Variants in PCDHGA3 observed in about 807,000 individuals in gnomAD.
PCDHGA3 encodes the protein protocadherin gamma-A3.
In PCDHGA3, 40 loss-of-function variants were observed where a neutral mutation model predicts 58.5. The observed-to-expected ratio is 0.68, with a 90% CI of 0.53 to 0.89. The LOEUF is 0.89. Ranked by LOEUF, PCDHGA3 falls within the 40% of genes least tolerant of loss-of-function variation. PCDHGA3 has a pLI of 0.00. For missense variants in PCDHGA3, 1,223 were observed against 1,195.9 expected (o/e 1.02, Z -0.33); for synonymous variants, 530 against 525.7 (o/e 1.01, Z -0.11).
At chr5:141,413,990 A>G (rs1179968710) in intron 1 of PCDHGA3, 6 of 1,613,434 alleles carry the variant, frequency 3.7e-6, no homozygotes, top group Admixed American at 1.7e-5. Context: ...ACAGCCACCG[A>G]CAGGGACGAA....
At position 141,413,788 on chromosome 5, in the gene PCDHGA3, G is replaced by A. The variant is rs2095678300; in HGVS notation, c.2424+67331G>A. The A allele has an allele frequency of 2.1e-5, 34 of 1,613,166 alleles. No individual in the cohort carries two copies. Among genetic ancestry groups the A allele is most frequent in the Non-Finnish European group, 2.8e-5 (33 of 1,179,876 alleles). ...GGAGCTGGTACTGGAGCACTCCCTA[G>A]ATCGCGAGGAAGAGGCCATTCACCA... is the stretch of plus-strand genomic sequence containing the variant. On this transcript the variant is annotated intron_variant, in intron 1 of 3. Coordinates refer to ENST00000253812, the MANE Select transcript of PCDHGA3 (RefSeq NM_018916.4).
At chr5:141,481,879 A>G (rs1204365605) in intron 1 of PCDHGA3, among the ~76,000 whole-genome samples, 1 of 144,890 alleles carries the variant, frequency 6.9e-6, no homozygotes, top group Non-Finnish European at 1.5e-5. Context: ...GCGCCACTGC[A>G]CTCCAGCCTG....
chr5:141,461,196 T>C (rs1398352067), intron 1 of PCDHGA3, among the ~76,000 whole-genome samples: 3 of 152,128 alleles, frequency 2.0e-5, no homozygotes. Context: ...TGTTTTTTGC[T>C]CTTTAGAGAA....
At chr5:141,510,579 C>T (rs2099881748) in intron 3 of PCDHGA3, among the ~76,000 whole-genome samples, 1 of 152,170 alleles carries the variant, frequency 6.6e-6, no homozygotes, top group Non-Finnish European at 1.5e-5. Flanking sequence ...CACTATTTTA[C>T]GTACCTGACA....
Position 141,477,778 on chromosome 5 carries a change from C to T in PCDHGA3, c.2425-17029C>T, listed in dbSNP as rs866423908. On this transcript the variant is annotated intron_variant, in intron 1 of 3. Transcript: ENST00000253812. This position sits in a 1 kb window ranked among gnomAD's most constrained non-coding sequence, Gnocchi z 4.9. ...TCCTAGCCACCAACATCAGCGTGAA[C>T]ATATTTGTCACTGATCGCAATGACA... 2.5e-6 allele frequency: 4 copies of T among 1,614,052 alleles called. No homozygotes were observed. In the African/African-American group the frequency reaches 5.3e-5, roughly 22 times the overall value.
In PCDHGA3 at chr5:141,393,089, G is replaced by A. The variant is rs1168367249; in HGVS notation, c.2424+46632G>A. 4 of 1,613,660 alleles carry A rather than the reference G, an allele frequency of 2.5e-6. No homozygotes were observed. In the East Asian group the frequency reaches 6.7e-5, roughly 27 times the overall value. ...TGATCACCGCGGGCAGGATAGATCGGGAGGAGCTCTGCGCTCAGAGCCCGC... is the reference window on the plus strand; with the variant it reads ...TGATCACCGCGGGCAGGATAGATCGAGAGGAGCTCTGCGCTCAGAGCCCGC... On this transcript the variant is annotated intron_variant, in intron 1 of 3. Transcript: ENST00000253812.
intron 1 of PCDHGA3, chr5:141,371,582 A>G (rs1442849202): frequency 1.9e-6 from 3 of 1,613,934 alleles, no homozygotes; most frequent in East Asian, 2.2e-5. Context: ...AAATCGTTCA[A>G]GATACCAAAA....
At chr5:141,410,893 G>A (rs1302061377) in intron 1 of PCDHGA3, 5 of 276,602 alleles carry the variant, frequency 1.8e-5, no homozygotes, top group South Asian at 4.6e-5. Context: ...TCGCACTGTT[G>A]CCTAGGCTGG....
intron 1 of PCDHGA3, chr5:141,355,572 CG>C: frequency 6.2e-7 from 1 of 1,613,892 alleles, no homozygotes; most frequent in South Asian, 1.1e-5. Flanking sequence ...TGGAAATAAT[CG>C]ATGTTAATGA....
At position 141,511,481 on chromosome 5, in the gene PCDHGA3, ACTC is replaced by A. The variant is rs2154594681; in HGVS notation, c.*313_*315del. On this transcript the variant is annotated 3_prime_UTR_variant, in exon 4 of 4. Coordinates refer to ENST00000253812, the MANE Select transcript of PCDHGA3 (RefSeq NM_018916.4). ...CCACACCCCGTTTAGTTACAGCTGAACTCCTCCATCTTCCAAATCAATCAGGCC... is the reference window on the plus strand; with the variant it reads ...CCACACCCCGTTTAGTTACAGCTGAACTCCATCTTCCAAATCAATCAGGCC... 2 of 464,080 alleles carry A rather than the reference ACTC, an allele frequency of 4.3e-6. No individual in the cohort carries two copies. The highest frequency in any genetic ancestry group is 7.7e-6 in the Non-Finnish European group (2 of 260,856). The allele number at this position is 464,080 out of a possible 1,614,324, so 28.7% of individuals were successfully genotyped here.
In PCDHGA3 at chr5:141,431,317, C is replaced by G; in HGVS notation, c.2425-63490C>G. 2 of 1,614,082 alleles carry G rather than the reference C, an allele frequency of 1.2e-6. No homozygotes were observed. The highest frequency in any genetic ancestry group is 1.7e-6 in the Non-Finnish European group (2 of 1,180,038). On this transcript the variant is annotated intron_variant, in intron 1 of 3. Transcript: ENST00000253812. The surrounding 1 kb of genome is among the most constrained non-coding windows in gnomAD (Gnocchi z 4.8). ...TCTCCCTCATCGTGCAAAATGGAGC[C>G]GACGGTAGTAAGTACCCCGAATTGG...
intron 1 of PCDHGA3, chr5:141,383,599 G>A: frequency 1.9e-6 from 3 of 1,613,742 alleles, no homozygotes; most frequent in Non-Finnish European, 2.5e-6. Context: ...GACAGTGGTG[G>A]ATGTGAATGA....
At chr5:141,422,501 CCA>C in intron 1 of PCDHGA3, 1 of 1,613,928 alleles carries the variant, frequency 6.2e-7, no homozygotes, top group African/African-American at 1.3e-5. Flanking sequence ...ACGTTGACAG[CCA>C]CAGACCAGGG....
At chr5:141,422,587 C>G in intron 1 of PCDHGA3, 2 of 1,614,032 alleles carry the variant, frequency 1.2e-6, no homozygotes, top group Non-Finnish European at 1.7e-6. Flanking sequence ...TCCCGTTTTT[C>G]CTCACTCCTC....
In PCDHGA3 at chr5:141,485,417, G is replaced by A. The variant is rs1340790133; in HGVS notation, c.2425-9390G>A. The A allele has an allele frequency of 1.2e-6, 2 of 1,614,166 alleles. No homozygotes were observed. Among genetic ancestry groups the A allele is most frequent in the Non-Finnish European group, 8.5e-7 (1 of 1,180,038 alleles). ...ACACTTCCGTGTGGATTTGGACAGCGGAGCCCTGCTCATCAAGAACCCAAT... is the reference window on the plus strand; with the variant it reads ...ACACTTCCGTGTGGATTTGGACAGCAGAGCCCTGCTCATCAAGAACCCAAT... On this transcript the variant is annotated intron_variant, in intron 1 of 3. Coordinates refer to ENST00000253812, the MANE Select transcript of PCDHGA3 (RefSeq NM_018916.4). The surrounding 1 kb of genome is among the most constrained non-coding windows in gnomAD (Gnocchi z 5.7).
At chr5:141,389,465 A>G (rs1485260449) in intron 1 of PCDHGA3, 2 of 1,613,184 alleles carry the variant, frequency 1.2e-6, no homozygotes, top group Admixed American at 1.7e-5. Context: ...GCGCCTTCGA[A>G]CTCACACTGC....
chr5:141,473,860 A>G (rs184722742), intron 1 of PCDHGA3, among the ~76,000 whole-genome samples: 409 of 152,318 alleles, frequency 2.7e-3, no homozygotes, highest in Middle Eastern at 6.8e-3. Context: ...GAACCTCGCT[A>G]TTGTGGAGAA....
At position 141,505,499 on chromosome 5, in the gene PCDHGA3, G is replaced by A. The variant is rs753203943; in HGVS notation, c.2572+18G>A. ...CGCCAGTGGTAAGTGGTGTCAGTGT[G>A]TGTATGGAAGAGTGGGAGACCTGGG... is the stretch of plus-strand genomic sequence containing the variant. On this transcript the variant is annotated intron_variant, in intron 3 of 3. Transcript: ENST00000253812. 6.2e-7 allele frequency: 1 copy of A among 1,614,172 alleles called. No homozygotes were observed. The highest frequency in any genetic ancestry group is 8.5e-7 in the Non-Finnish European group (1 of 1,179,982).
At position 141,394,267 on chromosome 5, in the gene PCDHGA3, C is replaced by T. The variant is rs563732311; in HGVS notation, c.2424+47810C>T. 1.2e-5 allele frequency: 19 copies of T among 1,613,926 alleles called. No individual in the cohort carries two copies. In the South Asian group the frequency reaches 2.0e-4, roughly 17 times the overall value. On this transcript the variant is annotated intron_variant, in intron 1 of 3. Transcript: ENST00000253812. The stretch of plus-strand genomic sequence containing the variant: ...CACGACCCCGACAGCCAGGAGAATG[C>T]CCAGGTCACTTACTCTGTGACCGAG...
Sources: gnomAD v4.1 joint callset for allele counts (sites outside exome capture counted in the v4.1 genomes callset) on GRCh38, gnomAD v4.1.1 for gene constraint, Gnocchi (gnomAD v3.1) non-coding constraint, MANE v1.5 for transcripts, NCBI Gene and HGNC (gene_info 2026-07-23, HGNC 2026-07-21) for gene names.